RAP1A: variants seen among roughly 807,000 people sequenced by gnomAD.
The protein encoded by RAP1A is RAP1A, member of RAS oncogene family, also known as ras-related protein Rap-1A.
A neutral mutation model predicts 26.4 loss-of-function variants in RAP1A; 6 were observed. That is an observed-to-expected ratio of 0.23 (90% CI 0.12 to 0.45). The LOEUF is 0.45. RAP1A is among the 20% of genes least tolerant of loss of function. The pLI, the probability that RAP1A is intolerant of heterozygous loss-of-function variation, is 0.99. For synonymous variants in RAP1A, 73 were observed against 79.4 expected (o/e 0.92, Z 0.43); for missense variants, 121 against 217.2 (o/e 0.56, Z 2.78).
intron 1 of RAP1A, among the ~76,000 whole-genome samples, chr1:111,684,577 G>A (rs1661408905): frequency 6.6e-6 from 1 of 152,128 alleles, no homozygotes. Flanking sequence ...ACATACAAGG[G>A]ATGTGAAGGA....
intron 1 of RAP1A, among the ~76,000 whole-genome samples, chr1:111,570,183 G>A (rs2101054770): frequency 6.6e-6 from 1 of 152,240 alleles, no homozygotes. Context: ...GAGTGTGGCA[G>A]ATCCTCTGAG....
chr1:111,584,977 C>T (rs1199770126), intron 1 of RAP1A, among the ~76,000 whole-genome samples: 1 of 152,208 alleles, frequency 6.6e-6, no homozygotes, highest in Non-Finnish European at 1.5e-5. Context: ...ACACCCTTTA[C>T]TGTATTTTCT....
chr1:111,688,297 G>A (rs1410863086), intron 1 of RAP1A, among the ~76,000 whole-genome samples: 1 of 132,782 alleles, frequency 7.5e-6, no homozygotes, highest in East Asian at 2.2e-4. Flanking sequence ...GTGTGTGTGT[G>A]TGTATATATA....
intron 1 of RAP1A, among the ~76,000 whole-genome samples, chr1:111,651,886 A>T (rs576312853): frequency 6.6e-6 from 1 of 151,976 alleles, no homozygotes; most frequent in South Asian, 2.1e-4. Context: ...TGCTGGGATT[A>T]CAGGCGTGAG....
chr1:111,602,517 A>C (rs1458317559), intron 1 of RAP1A, among the ~76,000 whole-genome samples: 3 of 151,956 alleles, frequency 2.0e-5, no homozygotes, highest in Admixed American at 1.3e-4. Flanking sequence ...GAGTTAGACT[A>C]CTCTGTGGGG....
chr1:111,681,237 A>C (rs190915089), intron 1 of RAP1A, among the ~76,000 whole-genome samples: 37 of 152,230 alleles, frequency 2.4e-4, no homozygotes, highest in Non-Finnish European at 3.7e-4. Context: ...AACAGAGTGA[A>C]ACTCCGTCTC....
intron 1 of RAP1A, among the ~76,000 whole-genome samples, chr1:111,635,774 C>A (rs983118754): frequency 1.3e-5 from 2 of 151,984 alleles, no homozygotes; most frequent in African/African-American, 4.8e-5. Context: ...CCATGTTGAC[C>A]AGGCTGGTCT....
At chr1:111,586,181 C>A (rs759542703) in intron 1 of RAP1A, among the ~76,000 whole-genome samples, 5 of 152,146 alleles carry the variant, frequency 3.3e-5, no homozygotes, top group Non-Finnish European at 5.9e-5. Context: ...TCTACAAATA[C>A]GGGAATCATA....
intron 5 of RAP1A, among the ~76,000 whole-genome samples, chr1:111,704,045 C>T (rs1160896709): frequency 6.6e-6 from 1 of 152,128 alleles, no homozygotes; most frequent in African/African-American, 2.4e-5. Context: ...TCAAGCAGTC[C>T]TCCTACCTCA....
chr1:111,553,587 G>T (rs376533888), intron 1 of RAP1A, among the ~76,000 whole-genome samples: 2 of 152,062 alleles, frequency 1.3e-5, no homozygotes, highest in African/African-American at 2.4e-5. Context: ...ATTTCTACTG[G>T]TTACATCTAA....
intron 1 of RAP1A, among the ~76,000 whole-genome samples, chr1:111,548,994 A>G (rs968137709): frequency 2.0e-5 from 3 of 152,236 alleles, no homozygotes; most frequent in African/African-American, 4.8e-5. Flanking sequence ...ATTGAAATCC[A>G]TGCATTCTCT....
intron 1 of RAP1A, among the ~76,000 whole-genome samples, chr1:111,601,870 T>C (rs1192537477): frequency 6.6e-6 from 1 of 152,186 alleles, no homozygotes; most frequent in African/African-American, 2.4e-5. Flanking sequence ...TCAATAAATA[T>C]GGCTATTATT....
intron 1 of RAP1A, among the ~76,000 whole-genome samples, chr1:111,662,394 CAAAAAAAAAAAAAAA>C (rs60481679): frequency 9.7e-6 from 1 of 103,428 alleles, no homozygotes; most frequent in Admixed American, 1.0e-4. Context: ...GACTCCATCT[CAAAAAAAAAAAAAAA>C]AAAAAAAAAT....
chr1:111,681,541 C>CT (rs1661294483), intron 1 of RAP1A, among the ~76,000 whole-genome samples: 1 of 152,092 alleles, frequency 6.6e-6, no homozygotes, highest in Admixed American at 6.5e-5. Context: ...AGCACGAGAA[C>CT]TTTGTGAAGC....
At chr1:111,637,226 C>T (rs910827091) in intron 1 of RAP1A, among the ~76,000 whole-genome samples, 3 of 152,100 alleles carry the variant, frequency 2.0e-5, no homozygotes, top group African/African-American at 7.2e-5. Context: ...TATATCTTAG[C>T]TTTCCATGGT....
chr1:111,647,085 G>A (rs1660093913), intron 1 of RAP1A, among the ~76,000 whole-genome samples: 1 of 152,214 alleles, frequency 6.6e-6, no homozygotes, highest in Admixed American at 6.5e-5. Flanking sequence ...TCCATGGCCT[G>A]TTAGGAACCA....
intron 1 of RAP1A, among the ~76,000 whole-genome samples, chr1:111,571,174 T>C (rs568592695): frequency 2.6e-5 from 4 of 152,312 alleles, no homozygotes; most frequent in African/African-American, 9.6e-5. Context: ...TTACATTTAC[T>C]AGCTTATTTT....
At chr1:111,693,754 T>G (rs778158035) in intron 2 of RAP1A, among the ~76,000 whole-genome samples, 1 of 152,152 alleles carries the variant, frequency 6.6e-6, no homozygotes, top group Non-Finnish European at 1.5e-5. Flanking sequence ...TGTAAACTTA[T>G]GAGAGAAGAA....
chr1:111,690,339 T>A (rs1661630026), intron 1 of RAP1A, among the ~76,000 whole-genome samples: 1 of 152,250 alleles, frequency 6.6e-6, no homozygotes, highest in African/African-American at 2.4e-5. Context: ...ATTCTTTGCC[T>A]TACCTTTTGA....
Sources: gnomAD v4.1 joint callset for allele counts (sites outside exome capture counted in the v4.1 genomes callset) on GRCh38, gnomAD v4.1.1 for gene constraint, MANE v1.5 for transcripts, NCBI Gene and HGNC (gene_info 2026-07-23, HGNC 2026-07-21) for gene names.